Variants in FBXO15 observed in about 807,000 individuals in gnomAD.
FBXO15 encodes the protein F-box protein 15.
Under a neutral mutation model 49.5 loss-of-function variants are expected in FBXO15, and 30 were observed. The observed-to-expected ratio is 0.61, with a 90% CI of 0.45 to 0.82. The LOEUF (loss-of-function observed/expected upper bound fraction) is 0.82. Ranked by LOEUF, FBXO15 falls within the 40% of genes least tolerant of loss-of-function variation. The pLI, the probability that FBXO15 is intolerant of heterozygous loss-of-function variation, is 0.00. For missense variants in FBXO15, 591 were observed against 631.5 expected, an observed-to-expected ratio of 0.94 and a Z score of 0.69; for synonymous variants, 250 against 232.7, an observed-to-expected ratio of 1.07 and a Z score of -0.68.
At chr18:74,107,193 TA>T (rs200161286) in intron 8 of FBXO15, among the ~76,000 whole-genome samples, 18,304 of 128,368 alleles carry the variant, frequency 0.14, 1,199 homozygotes, top group Admixed American at 0.24. Context: ...TGATATTCTG[TA>T]AAAAAAAAAA....
At position 74,081,950 on chromosome 18, in the gene FBXO15, C is replaced by G; in HGVS notation, c.1240G>C (p.Asp414His). 1 of 1,612,238 alleles carries G rather than the reference C, an allele frequency of 6.2e-7. No individual in the cohort carries two copies. The highest frequency in any genetic ancestry group is 1.1e-5 in the South Asian group (1 of 90,694). ...IGKVGLSWKT[D>H]IFDGCIKSCS... is the part of the protein sequence containing the mutation. ...ACCTTTATACAGCCATCAAAAATAT[C>G]AGTTTTCCACGAGAGGCCAACTTTT... Residue 414 changes from aspartate to histidine, a missense_variant, in exon 9 of 10, where the codon GAT becomes CAT. Transcript: ENST00000419743.
At chr18:74,131,689 A>G (rs892247692) in intron 3 of FBXO15, among the ~76,000 whole-genome samples, 3 of 152,274 alleles carry the variant, frequency 2.0e-5, no homozygotes, top group African/African-American at 7.2e-5. Context: ...AAACTGAGGC[A>G]GCGGTTAAAA....
rs537427332 is a variant in FBXO15 at position 74,125,532 on chromosome 18, T to G, written c.912+443A>C. On this transcript the variant is annotated intron_variant, in intron 6 of 9. Coordinates refer to ENST00000419743, the MANE Select transcript of FBXO15 (RefSeq NM_001142958.2). ...AGACAGCTGACCCTGAAGAGCAGAT[T>G]TCACTCAATGCCGCACCTACAGGAT... is the stretch of plus-strand genomic sequence containing the variant. Among the ~76,000 whole-genome samples the G allele has an allele frequency of 5.3e-5, 8 of 152,310 alleles. No individual in the cohort carries two copies. In the South Asian group the frequency reaches 1.7e-3, roughly 32 times the overall value.
At chr18:74,080,544 T>C (rs1353806151) in intron 9 of FBXO15, among the ~76,000 whole-genome samples, 1 of 152,254 alleles carries the variant, frequency 6.6e-6, no homozygotes, top group Admixed American at 6.5e-5. Context: ...CTCAGTCACA[T>C]TGGTTTAGCA....
intron 1 of FBXO15, chr18:74,147,459 A>G: frequency 9.2e-6 from 11 of 1,200,328 alleles, no homozygotes; most frequent in Non-Finnish European, 1.1e-5. Flanking sequence ...TATTTCCCCG[A>G]GAGGCTACTC....
rs932682437 is a variant in FBXO15 at position 74,130,621 on chromosome 18, G to A, written c.370C>T (p.Pro124Ser). 1 of 1,613,892 alleles carries A rather than the reference G, an allele frequency of 6.2e-7. No individual in the cohort carries two copies. The highest frequency in any genetic ancestry group is 8.5e-7 in the Non-Finnish European group (1 of 1,179,930). ...WIGIYSTAFS[P>S]ARSNWKFNSV... ...TTAAATTTCCAATTTGATCTTGCAG[G>A]TGAAAAAGCAGTTGAGTAGATTCCG... The change falls in exon 4 of 10, where the codon CCT becomes TCT. Residue 124 changes from proline (P) to serine (S), a missense_variant. By Grantham distance (74) the Pro-to-Ser change is moderately conservative. Transcript: ENST00000419743.
chr18:74,143,990 A>C (rs1979247317), intron 1 of FBXO15, among the ~76,000 whole-genome samples: 1 of 152,200 alleles, frequency 6.6e-6, no homozygotes, highest in African/African-American at 2.4e-5. Flanking sequence ...GGGTTTGTTC[A>C]CTGCTGATCG....
intron 7 of FBXO15, 147 bp from the exon 8 acceptor site, chr18:74,123,657 A>G: frequency 1.1e-6 from 1 of 882,286 alleles, no homozygotes; most frequent in Non-Finnish European, 1.7e-6. Flanking sequence ...ATAATCTTCA[A>G]TACTGTGAAC....
At chr18:74,107,205 A>AAAAC (rs58902081) in intron 8 of FBXO15, among the ~76,000 whole-genome samples, 8,185 of 151,140 alleles carry the variant, frequency 0.054, 715 homozygotes, top group African/African-American at 0.19. Context: ...AAAAAAAAAA[A>AAAAC]AACAACAAAT....
At chr18:74,095,464 G>A (rs1913234334) in intron 8 of FBXO15, among the ~76,000 whole-genome samples, 1 of 152,130 alleles carries the variant, frequency 6.6e-6, no homozygotes, top group Non-Finnish European at 1.5e-5. Flanking sequence ...TTTTTACCAG[G>A]GAATAGAAAG....
At chr18:74,115,950 A>C in intron 8 of FBXO15, among the ~76,000 whole-genome samples, 1 of 152,168 alleles carries the variant, frequency 6.6e-6, no homozygotes, top group East Asian at 1.9e-4. Context: ...AGAGTGGTTA[A>C]CATCTGCTAA....
chr18:74,104,278 A>G (rs1175628498), intron 8 of FBXO15, among the ~76,000 whole-genome samples: 1 of 152,090 alleles, frequency 6.6e-6, no homozygotes, highest in Non-Finnish European at 1.5e-5. Flanking sequence ...GAATGAAAAA[A>G]CCTATTAATA....
intron 8 of FBXO15, among the ~76,000 whole-genome samples, chr18:74,083,427 G>A (rs1258519638): frequency 2.0e-5 from 3 of 152,210 alleles, no homozygotes. Flanking sequence ...TGGACCAGAT[G>A]TGACTCTGCT....
intron 9 of FBXO15, among the ~76,000 whole-genome samples, chr18:74,079,782 CT>C (rs1159612880): frequency 1.3e-5 from 2 of 152,194 alleles, no homozygotes; most frequent in African/African-American, 2.4e-5. Flanking sequence ...TCACTCAACT[CT>C]GAGGTTGGAG....
In FBXO15 at chr18:74,075,132, C is replaced by T. The variant is rs558297121; in HGVS notation, c.1264-1402G>A. Among the ~76,000 whole-genome samples, 24 of 152,330 alleles carry T rather than the reference C, an allele frequency of 1.6e-4. No individual in the cohort carries two copies. Among genetic ancestry groups the T allele is most frequent in the African/African-American group, 4.6e-4 (19 of 41,588 alleles). ...CTCAGCTCGGCCTGACGGTCCCACC[C>T]TGGCTCTCTGGGTGGCTCCCTCTCC... On this transcript the variant is annotated intron_variant, in intron 9 of 9. Transcript: ENST00000419743. The surrounding 1 kb of genome is among the most constrained non-coding windows in gnomAD (Gnocchi z 4.1).
chr18:74,127,749 A>C (rs923345974), intron 5 of FBXO15, among the ~76,000 whole-genome samples: 2 of 152,228 alleles, frequency 1.3e-5, no homozygotes, highest in Admixed American at 1.3e-4. Flanking sequence ...TTTCCCAATG[A>C]ATTCTAGCAT....
chr18:74,095,864 T>G (rs1175430738), intron 8 of FBXO15, among the ~76,000 whole-genome samples: 3 of 151,976 alleles, frequency 2.0e-5, no homozygotes, highest in Non-Finnish European at 2.9e-5. Context: ...AACAGAAAAC[T>G]GAAACAAATG....
chr18:74,086,680 G>T (rs1015003039), intron 8 of FBXO15, among the ~76,000 whole-genome samples: 10 of 152,174 alleles, frequency 6.6e-5, no homozygotes, highest in African/African-American at 2.4e-4. Context: ...AAAGTACTGG[G>T]ATTATAGGCG....
chr18:74,087,185 T>TTGATGGC (rs1323878368), intron 8 of FBXO15, among the ~76,000 whole-genome samples: 2 of 152,232 alleles, frequency 1.3e-5, no homozygotes, highest in African/African-American at 2.4e-5. Flanking sequence ...TGCCTCAATG[T>TTGATGGC]TGATGGCTGA....
Sources: allele counts gnomAD v4.1 joint callset (sites outside exome capture counted in the v4.1 genomes callset), GRCh38; gene constraint gnomAD v4.1.1; non-coding constraint Gnocchi (gnomAD v3.1); transcripts MANE v1.5; gene names NCBI Gene and HGNC (gene_info 2026-07-23, HGNC 2026-07-21).